The following HAGH variants were observed in gnomAD, a reference collection of about 807,000 sequenced individuals.
HAGH encodes hydroxyacylglutathione hydrolase, also known as hydroxyacylglutathione hydrolase, mitochondrial.
In HAGH, 29 loss-of-function variants were observed where a neutral mutation model predicts 35.1. The observed-to-expected ratio is 0.83, with a 90% CI of 0.62 to 1.13. The LOEUF (loss-of-function observed/expected upper bound fraction) is 1.13. Ranked by LOEUF, HAGH falls within the 50% of genes most tolerant of loss-of-function variation. The probability of loss-of-function intolerance (pLI) is 0.00; values close to 1 mark genes in which losing one functional copy is unlikely to be tolerated. For missense variants in HAGH, 478 were observed against 419.6 expected (o/e 1.14, Z -1.22); for synonymous variants, 225 against 176.1 (o/e 1.28, Z -2.20).
At chr16:1,820,048 TG>T (rs751336214) in intron 3 of HAGH, 34 bp from the exon 4 acceptor site, 250 of 378,000 alleles carry the variant, frequency 6.6e-4, no homozygotes, top group Non-Finnish European at 8.8e-4. Context: ...GGCTGCCTGC[TG>T]AGCTGAGGGG....
Position 1,822,868 on chromosome 16 carries a change from C to T in HAGH, c.246G>A (p.Gln82=). The change falls in exon 2 of 9, where the codon CAG becomes CAA. Residue 82 remains glutamine, a synonymous_variant. Coordinates refer to ENST00000397356, the MANE Select transcript of HAGH (RefSeq NM_005326.6). ...EAAIVDPVQP[Q]KVVDAARKHG... The stretch of plus-strand genomic sequence containing the variant: ...AGCCAGGCACAGCCATGCGCACCTT[C>T]TGGGGCTGCACCGGATCCACAATGG... 1 of 1,613,454 alleles carries T rather than the reference C, an allele frequency of 6.2e-7. No individual in the cohort carries two copies. Among genetic ancestry groups the T allele is most frequent in the Non-Finnish European group, 8.5e-7 (1 of 1,179,748 alleles).
chr16:1,819,973 G>T lies in HAGH; in HGVS notation c.356C>A (p.Ser119Ter). 1 of 1,613,282 alleles carries T rather than the reference G, an allele frequency of 6.2e-7. No individual in the cohort carries two copies. The highest frequency in any genetic ancestry group is 8.5e-7 in the Non-Finnish European group (1 of 1,179,674). The part of the protein sequence containing the change: ...GGNEKLVKLE[S>*]GLKVYGGDDR... ...GTCACCCCCGTACACCTTCAGTCCC[G>T]ACTCCAGCTTGACCAGTTTCTCATT... is the stretch of plus-strand genomic sequence containing the variant. Residue 119 changes from serine (S) to a stop codon, truncating the protein, a stop_gained, in exon 4 of 9, where the codon TCG (serine) becomes TAG (stop). Transcript: ENST00000397356. LOFTEE classifies it high-confidence loss of function.
At chr16:1,825,606 C>G (rs1898365494) in intron 1 of HAGH, among the ~76,000 whole-genome samples, 1 of 152,208 alleles carries the variant, frequency 6.6e-6, no homozygotes, top group Non-Finnish European at 1.5e-5. Flanking sequence ...TATGGTCTCA[C>G]TCTGTCCCCT....
At chr16:1,824,845 G>C (rs1228873130) in intron 1 of HAGH, among the ~76,000 whole-genome samples, 3 of 152,198 alleles carry the variant, frequency 2.0e-5, no homozygotes, top group Admixed American at 6.5e-5. Context: ...TATATGAGCA[G>C]CTTCCTGTGT....
At chr16:1,809,998 T>A (rs531405558) in intron 7 of HAGH, 165 bp from the exon 8 acceptor site, 2 of 605,380 alleles carry the variant, frequency 3.3e-6, no homozygotes, top group African/African-American at 1.8e-5. Flanking sequence ...ACCCTGTGTC[T>A]ACTAAAAATA....
intron 7 of HAGH, among the ~76,000 whole-genome samples, chr16:1,812,667 C>T (rs1223394239): frequency 6.6e-6 from 1 of 152,020 alleles, no homozygotes; most frequent in Admixed American, 6.6e-5. Flanking sequence ...AATTTTTTGA[C>T]CTTGGGATAA....
Position 1,819,238 on chromosome 16 carries a change from G to GCGAC in HAGH, c.433-19_433-16dup, listed in dbSNP as rs1382548471. The GCGAC allele has an allele frequency of 4.5e-6, 7 of 1,539,918 alleles. No individual in the cohort carries two copies. The African/African-American group carries it at 9.5e-5, about 21-fold the overall frequency. On this transcript the variant is annotated splice_polypyrimidine_tract_variant and intron_variant, in intron 4 of 8. Transcript: ENST00000397356. The stretch of plus-strand genomic sequence containing the variant: ...AGAGACCCCACCTTCAACAAAGCAG[G>GCGAC]CGACCGCGTGTGCTCCCAGACACCC...
Position 1,817,209 on chromosome 16 carries a change from T to C in HAGH, c.604A>G (p.Lys202Glu), listed in dbSNP as rs779048412. 1.2e-6 allele frequency: 2 copies of C among 1,613,424 alleles called. No individual in the cohort carries two copies. Among genetic ancestry groups the C allele is most frequent in the Non-Finnish European group, 1.7e-6 (2 of 1,179,394 alleles). The change falls in exon 6 of 9, where the codon AAA (lysine) becomes GAA (glutamate). Residue 202 changes from lysine to glutamate, a missense_variant. Coordinates refer to ENST00000397356, the MANE Select transcript of HAGH (RefSeq NM_005326.6). ...CGGCCCAAGACCTCCAGCAGAGCTTTACACATCTCATCCGCAGTCCCTTCA... is the reference window on the plus strand; with the variant it reads ...CGGCCCAAGACCTCCAGCAGAGCTTCACACATCTCATCCGCAGTCCCTTCA... ...FYEGTADEMC[K>E]ALLEVLGRLP...
intron 1 of HAGH, 99 bp downstream of exon 1, chr16:1,826,613 G>A (rs1898440254): frequency 1.0e-6 from 1 of 980,290 alleles, no homozygotes; most frequent in African/African-American, 1.8e-5. Flanking sequence ...CTGCGCAACA[G>A]ACACCGCGTC....
At position 1,822,348 on chromosome 16, in the gene HAGH, C is replaced by T. The variant is rs769170718; in HGVS notation, c.266G>A (p.Arg89Lys). The stretch of plus-strand genomic sequence containing the variant: ...TGTGGTCAGTTTCACCCCGTGCTTT[C>T]TCGCCGCGTCCACGACCTGCAGTGG... ...VQPQKVVDAARKHGVKLTTVL... is the reference protein window; with the variant it reads ...VQPQKVVDAAKKHGVKLTTVL... Residue 89 changes from arginine (R) to lysine (K), a missense_variant, in exon 3 of 9, where the codon AGA (arginine) becomes AAA (lysine). Arg to Lys is a conservative substitution (Grantham distance 26, BLOSUM62 2). Coordinates refer to ENST00000397356, the MANE Select transcript of HAGH (RefSeq NM_005326.6). 1.9e-6 allele frequency: 3 copies of T among 1,611,710 alleles called. No individual in the cohort carries two copies. The highest frequency in any genetic ancestry group is 2.5e-6 in the Non-Finnish European group (3 of 1,178,982).
Position 1,826,730 on chromosome 16 carries a change from A to C in HAGH, c.58T>G (p.Cys20Gly). The C allele has an allele frequency of 8.6e-7, 1 of 1,163,900 alleles. No homozygotes were observed. 72.1% of individuals were successfully genotyped at this position (1,163,900 alleles called of 1,614,324 possible). Reference sequence around the variant, plus strand: ...CACCCACCGAGGCCTCGGCGGGCGCAGGCGGCTCCCAGCGCGGCGAGGCTG... The same window carrying C: ...CACCCACCGAGGCCTCGGCGGGCGCCGGCGGCTCCCAGCGCGGCGAGGCTG... ...RRSLAALGAA[C>G]ARRGLGPALL... The change falls in exon 1 of 9, where the codon TGC becomes GGC. Residue 20 changes from cysteine (C) to glycine (G), a missense_variant. Physicochemically the swap from Cys to Gly is radical, Grantham distance 159. Coordinates refer to ENST00000397356, the MANE Select transcript of HAGH (RefSeq NM_005326.6).
chr16:1,823,443 AT>A lies in HAGH; in HGVS notation c.77-407del, dbSNP rs1438281381. Among the ~76,000 whole-genome samples, 8 of 151,452 alleles carry A rather than the reference AT, an allele frequency of 5.3e-5. No homozygotes were observed. In the East Asian group the frequency reaches 1.2e-3, roughly 22 times the overall value. On this transcript the variant is annotated intron_variant, in intron 1 of 8. Transcript: ENST00000397356. ...CCACCATACCCGGCTAATTTTTTGTATTTTTTAGTAGAGACGGGTTTCATGG... is the reference window on the plus strand; with the variant it reads ...CCACCATACCCGGCTAATTTTTTGTATTTTTAGTAGAGACGGGTTTCATGG...
chr16:1,813,151 G>A (rs116157303), intron 7 of HAGH, among the ~76,000 whole-genome samples: 1,979 of 152,244 alleles, frequency 0.013, 35 homozygotes, highest in South Asian at 0.071. Flanking sequence ...CTTTGTGAAC[G>A]GCTTGGTGCC....
chr16:1,810,700 T>G (rs1157681767), intron 7 of HAGH: 1 of 152,436 alleles, frequency 6.6e-6, no homozygotes, highest in Non-Finnish European at 1.5e-5. Context: ...CAGGAGGGCC[T>G]CAGGGCAGAG....
chr16:1,822,466 G>A (rs1356595000), intron 2 of HAGH, 102 bp from the exon 3 acceptor site: 2 of 913,484 alleles, frequency 2.2e-6, no homozygotes, highest in East Asian at 2.4e-5. Flanking sequence ...CACGCCATGA[G>A]GGGCCGCTGA....
At chr16:1,816,011 G>A (rs550654977) in intron 7 of HAGH, among the ~76,000 whole-genome samples, 2 of 132,830 alleles carry the variant, frequency 1.5e-5, no homozygotes, top group Admixed American at 1.8e-4. Context: ...AGCGATCTTG[G>A]CTCACTGCAA....
At chr16:1,822,833 G>A (rs1029590907) in intron 2 of HAGH, 32 bp downstream of exon 2, 1 of 1,597,084 alleles carries the variant, frequency 6.3e-7, no homozygotes, top group Non-Finnish European at 8.6e-7. Flanking sequence ...TGGGTGACCA[G>A]GGCAGGGAGA....
At chr16:1,815,219 A>G (rs1897839208) in intron 7 of HAGH, among the ~76,000 whole-genome samples, 2 of 152,336 alleles carry the variant, frequency 1.3e-5, no homozygotes, top group African/African-American at 4.8e-5. Flanking sequence ...CTGGCACAGC[A>G]TGGAGGCCCC....
At chr16:1,813,618 C>CAATGTTA (rs1293590241) in intron 7 of HAGH, among the ~76,000 whole-genome samples, 1 of 152,204 alleles carries the variant, frequency 6.6e-6, no homozygotes, top group African/African-American at 2.4e-5. Context: ...CAGAAACACT[C>CAATGTTA]AATGTTAAGA....
Sources: gnomAD v4.1 joint callset for allele counts (sites outside exome capture counted in the v4.1 genomes callset) on GRCh38, gnomAD v4.1.1 for gene constraint, MANE v1.5 for transcripts, NCBI Gene and HGNC (gene_info 2026-07-23, HGNC 2026-07-21) for gene names.